ASNS: variants seen among roughly 807,000 people sequenced by gnomAD.
The protein encoded by ASNS is asparagine synthetase [glutamine-hydrolyzing].
ASNS carries 37 observed loss-of-function variants against 62.6 expected under a neutral mutation model. The ratio of observed to expected loss-of-function variants is 0.59; its 90% CI spans 0.45 to 0.78. The LOEUF is 0.78. Ranked by LOEUF, ASNS falls within the 30% of genes least tolerant of loss-of-function variation. ASNS has a pLI of 0.00. For missense variants in ASNS, 520 were observed against 682.4 expected (o/e 0.76, Z 2.65); for synonymous variants, 207 against 237.9 (o/e 0.87, Z 1.19).
At chr7:97,852,489 G>A (rs757846773) in intron 12 of ASNS, 21 bp from the exon 13 acceptor site, 3 of 1,609,054 alleles carry the variant, frequency 1.9e-6, no homozygotes, top group Admixed American at 1.7e-5. Context: ...AAGCATATAA[G>A]AGCAAAATGG....
the ASNS span, among the ~76,000 whole-genome samples, chr7:97,892,541 T>C: frequency 6.6e-6 from 1 of 152,042 alleles, no homozygotes; most frequent in Non-Finnish European, 1.5e-5. Flanking sequence ...TGAAGGCCTT[T>C]AACAGCACCC....
At chr7:97,916,783 C>G in the ASNS span, among the ~76,000 whole-genome samples, 2 of 152,208 alleles carry the variant, frequency 1.3e-5, no homozygotes, top group East Asian at 3.9e-4. Flanking sequence ...AGCTTTGCAG[C>G]CATCTGCACA....
chr7:97,862,902 T>C (rs1791792624), intron 4 of ASNS, among the ~76,000 whole-genome samples: 1 of 152,236 alleles, frequency 6.6e-6, no homozygotes, highest in African/African-American at 2.4e-5. Flanking sequence ...GATAAGATGC[T>C]GGACATCACT....
chr7:97,872,310 T>TGGCGCGGGGCGCAGGGCGCGG (rs3832526), intron 1 of ASNS, 41 bp downstream of exon 1: 2 of 151,332 alleles, frequency 1.3e-5, no homozygotes, highest in Non-Finnish European at 2.9e-5. Context: ...AGGAGGATGC[T>TGGCGCGGGGCGCAGGGCGCGG]GGCGCGGGGC....
chr7:97,913,993 T>A, the ASNS span, among the ~76,000 whole-genome samples: 32 of 151,014 alleles, frequency 2.1e-4, no homozygotes, highest in African/African-American at 7.8e-4. Flanking sequence ...GATGGGTAGC[T>A]GAGTGAATGG....
the ASNS span, among the ~76,000 whole-genome samples, chr7:97,918,229 C>T: frequency 1.3e-5 from 2 of 152,270 alleles, no homozygotes; most frequent in African/African-American, 2.4e-5. Flanking sequence ...CTACACAGGA[C>T]AGTACCATGT....
intron 1 of ASNS, 180 bp from the exon 2 acceptor site, chr7:97,869,993 T>A: frequency 4.8e-6 from 1 of 207,592 alleles, no homozygotes; most frequent in Non-Finnish European, 9.6e-6. Flanking sequence ...GCAAAGTAGG[T>A]GAGACATATA....
At chr7:97,854,915 G>A (rs1791361574) in intron 9 of ASNS, 2 of 574,558 alleles carry the variant, frequency 3.5e-6, no homozygotes, top group Non-Finnish European at 5.7e-6. Flanking sequence ...TCCACAGGAT[G>A]CTAAGAAATG....
At chr7:97,871,412 A>G (rs1490219058) in intron 1 of ASNS, among the ~76,000 whole-genome samples, 1 of 152,116 alleles carries the variant, frequency 6.6e-6, no homozygotes, top group Non-Finnish European at 1.5e-5. Flanking sequence ...TTATATTAAG[A>G]TCTCAGTAAG....
chr7:97,865,562 A>G (rs1355201949), intron 3 of ASNS, among the ~76,000 whole-genome samples: 3 of 152,174 alleles, frequency 2.0e-5, no homozygotes, highest in Non-Finnish European at 2.9e-5. Flanking sequence ...TAGTCCTTCA[A>G]TATCTCTATC....
the ASNS span, among the ~76,000 whole-genome samples, chr7:97,896,315 C>T: frequency 2.6e-5 from 4 of 151,438 alleles, no homozygotes; most frequent in African/African-American, 9.7e-5. Context: ...AGAGGCCGGG[C>T]GAGGTGGCTC....
At chr7:97,881,434 C>T in the ASNS span, among the ~76,000 whole-genome samples, 1 of 152,064 alleles carries the variant, frequency 6.6e-6, no homozygotes, top group Non-Finnish European at 1.5e-5. Flanking sequence ...ATCCCCTCCC[C>T]TTTCCCCCAG....
At chr7:97,927,874 C>A in the ASNS span, among the ~76,000 whole-genome samples, 1 of 152,400 alleles carries the variant, frequency 6.6e-6, no homozygotes, top group Middle Eastern at 3.4e-3. Context: ...AGACAGCATC[C>A]GGGAGCAACC....
Position 97,858,833 on chromosome 7 carries a change from GGTT to G in ASNS, c.775+18_775+20del, listed in dbSNP as rs773724311. On this transcript the variant is annotated intron_variant, in intron 6 of 12. Transcript: ENST00000394308. ...ATTAAACACACATGAAATATAATTA[GGTT>G]TTTTTAATTGACTTCACCTGATAAA... 3 of 1,567,878 alleles carry G rather than the reference GGTT, an allele frequency of 1.9e-6. No individual in the cohort carries two copies. Among genetic ancestry groups the G allele is most frequent in the South Asian group, 2.3e-5 (2 of 86,256 alleles).
At chr7:97,905,839 A>G in the ASNS span, among the ~76,000 whole-genome samples, 1 of 152,236 alleles carries the variant, frequency 6.6e-6, no homozygotes, top group Non-Finnish European at 1.5e-5. Flanking sequence ...TGTTTAACAT[A>G]TAATCATGCT....
At chr7:97,871,593 C>T (rs139859219) in intron 1 of ASNS, 2 of 152,374 alleles carry the variant, frequency 1.3e-5, no homozygotes, top group African/African-American at 4.8e-5. Flanking sequence ...GAGATGAAAA[C>T]TGTCCTTTTT....
the ASNS span, among the ~76,000 whole-genome samples, chr7:97,881,439 C>T: frequency 6.6e-6 from 1 of 151,996 alleles, no homozygotes; most frequent in Middle Eastern, 3.2e-3. Flanking sequence ...CTCCCCTTTC[C>T]CCCAGCTCCT....
the ASNS span, among the ~76,000 whole-genome samples, chr7:97,903,592 G>T: frequency 3.3e-5 from 5 of 152,186 alleles, no homozygotes; most frequent in Non-Finnish European, 7.3e-5. Context: ...CTGTTGCCAA[G>T]CCCAGCTCTG....
At chr7:97,918,389 T>C in the ASNS span, among the ~76,000 whole-genome samples, 1 of 152,006 alleles carries the variant, frequency 6.6e-6, no homozygotes, top group East Asian at 1.9e-4. Context: ...AGGAAATCCA[T>C]CAGAACACCG....
Sources: gnomAD v4.1 joint callset for allele counts (sites outside exome capture counted in the v4.1 genomes callset) on GRCh38, gnomAD v4.1.1 for gene constraint, MANE v1.5 for transcripts, NCBI Gene and HGNC (gene_info 2026-07-23, HGNC 2026-07-21) for gene names.